PARD3B: variants seen among roughly 807,000 people sequenced by gnomAD.
PARD3B encodes partitioning defective 3 homolog B.
PARD3B carries 103 observed loss-of-function variants against 130.2 expected under a neutral mutation model. The observed-to-expected ratio is 0.79, with a 90% CI of 0.67 to 0.93. The LOEUF (loss-of-function observed/expected upper bound fraction) is 0.93, where lower values mean the gene tolerates loss of function less well. Among genes scored for constraint, PARD3B ranks in the 40% least tolerant of loss-of-function variants. The pLI, the probability that PARD3B is intolerant of heterozygous loss-of-function variation, is 0.00. For synonymous variants in PARD3B, 583 were observed against 553.2 expected, an observed-to-expected ratio of 1.05 and a Z score of -0.76; for missense variants, 1,609 against 1,499.2, an observed-to-expected ratio of 1.07 and a Z score of -1.21.
chr2:205,591,195 C>T lies in PARD3B; in HGVS notation c.3261-24261C>T, dbSNP rs1477972760. 6.6e-6 allele frequency among the ~76,000 whole-genome samples: 1 copy of T among 151,900 alleles called. No homozygotes were observed. Among genetic ancestry groups the T allele is most frequent in the Non-Finnish European group, 1.5e-5 (1 of 67,980 alleles). On this transcript the variant is annotated intron_variant, in intron 22 of 22. Coordinates refer to ENST00000406610, the MANE Select transcript of PARD3B (RefSeq NM_001302769.2). This position sits in a 1 kb window ranked among gnomAD's most constrained non-coding sequence, Gnocchi z 4.2. ...CATCTAGAATATAACTAGGACAAGACAAAAAACTGTTTAGAGAGAGTGTAC... is the reference window on the plus strand; with the variant it reads ...CATCTAGAATATAACTAGGACAAGATAAAAAACTGTTTAGAGAGAGTGTAC...
chr2:205,153,436 G>A lies in PARD3B; in HGVS notation c.1435-5286G>A, dbSNP rs577741559. The stretch of plus-strand genomic sequence containing the variant: ...GAAGAACATTCCATGCTCATGGATA[G>A]GAAGAATCAATATCATGAAAATGGC... On this transcript the variant is annotated intron_variant, in intron 10 of 22. Transcript: ENST00000406610. 7.2e-5 allele frequency among the ~76,000 whole-genome samples: 11 copies of A among 152,244 alleles called. No homozygotes were observed. In the East Asian group the frequency reaches 1.5e-3, roughly 21 times the overall value.
intron 2 of PARD3B, among the ~76,000 whole-genome samples, chr2:204,881,253 G>A (rs73068665): frequency 0.018 from 2,737 of 152,122 alleles, 73 homozygotes; most frequent in African/African-American, 0.06. Flanking sequence ...GTATGTGTGT[G>A]TATCTATGTC....
Position 204,686,205 on chromosome 2 carries a change from C to G in PARD3B, c.145C>G (p.His49Asp). ...EKGPGYWVKI[H>D]HLEYTDGGIL... ...GGGTCCTGGTTACTGGGTGAAGATT[C>G]ATCACTTAGAATATACAGATGGAGG... is the stretch of plus-strand genomic sequence containing the variant. Residue 49 changes from histidine to aspartate, a missense_variant, in exon 2 of 23, where the codon CAT becomes GAT. By Grantham distance (81) the His-to-Asp change is moderately conservative. Transcript: ENST00000406610. 4 of 1,611,790 alleles carry G rather than the reference C, an allele frequency of 2.5e-6. No individual in the cohort carries two copies. Among genetic ancestry groups the G allele is most frequent in the South Asian group, 1.1e-5 (1 of 91,042 alleles).
intron 18 of PARD3B, among the ~76,000 whole-genome samples, chr2:205,365,549 C>T (rs868552453): frequency 8.8e-6 from 1 of 113,758 alleles, no homozygotes; most frequent in East Asian, 2.3e-4. Context: ...CCCAACCTTC[C>T]TTTTTTTTTT....
At chr2:204,734,968 G>T (rs1384799052) in intron 2 of PARD3B, among the ~76,000 whole-genome samples, 1 of 151,880 alleles carries the variant, frequency 6.6e-6, no homozygotes, top group Admixed American at 6.6e-5. Context: ...GGTGATGGGT[G>T]TTAAAATAAT....
intron 1 of PARD3B, among the ~76,000 whole-genome samples, chr2:204,582,848 T>C (rs2032633686): frequency 6.6e-6 from 1 of 152,232 alleles, no homozygotes; most frequent in African/African-American, 2.4e-5. Flanking sequence ...TGGTATCTCA[T>C]AGTGGTTTTG....
At chr2:205,381,041 A>AATATATATTATATATAAAGAATATATATT (rs765051989) in intron 18 of PARD3B, among the ~76,000 whole-genome samples, 7 of 61,840 alleles carry the variant, frequency 1.1e-4, no homozygotes, top group African/African-American at 4.7e-4. Context: ...ATATATAAAG[A>AATATATATTATATATAAAGAATATATATT]ATATATATTA....
chr2:204,916,639 A>T (rs867106211), intron 2 of PARD3B, among the ~76,000 whole-genome samples: 3 of 152,078 alleles, frequency 2.0e-5, no homozygotes, highest in Non-Finnish European at 2.9e-5. Flanking sequence ...TTGTCTAAAG[A>T]TGTAGTTTTT....
intron 11 of PARD3B, among the ~76,000 whole-genome samples, chr2:205,166,489 A>G (rs892379270): frequency 6.6e-6 from 1 of 152,230 alleles, no homozygotes; most frequent in Non-Finnish European, 1.5e-5. Flanking sequence ...ACCTCTTCAC[A>G]TAAGCTGAAA....
At chr2:205,047,454 A>T (rs1698877203) in intron 3 of PARD3B, 127 bp from the exon 4 acceptor site, 1 of 569,384 alleles carries the variant, frequency 1.8e-6, no homozygotes, top group African/African-American at 1.9e-5. Context: ...ATTTACAAGC[A>T]TCCTTAGAAA....
chr2:205,205,431 C>T (rs981983379), intron 15 of PARD3B, among the ~76,000 whole-genome samples: 6 of 152,082 alleles, frequency 3.9e-5, no homozygotes, highest in Non-Finnish European at 5.9e-5. Flanking sequence ...GTTCAATACC[C>T]TTTATTTTTT....
At chr2:204,854,022 G>A (rs954051220) in intron 2 of PARD3B, among the ~76,000 whole-genome samples, 3 of 152,128 alleles carry the variant, frequency 2.0e-5, no homozygotes, top group Admixed American at 1.3e-4. Flanking sequence ...GGAAGAGCAA[G>A]GAGTAGGGCA....
intron 2 of PARD3B, among the ~76,000 whole-genome samples, chr2:204,756,766 G>A (rs1250084652): frequency 6.6e-6 from 1 of 152,106 alleles, no homozygotes; most frequent in Admixed American, 6.6e-5. Context: ...TATGGAATCC[G>A]ATTTTTTAAA....
intron 2 of PARD3B, among the ~76,000 whole-genome samples, chr2:204,951,245 G>A (rs1452116877): frequency 2.0e-5 from 3 of 152,006 alleles, no homozygotes; most frequent in Non-Finnish European, 4.4e-5. Context: ...TTATACACTG[G>A]GCCCCAGAAG....
In PARD3B at chr2:204,998,311, AGT is replaced by A. The variant is rs1694422565; in HGVS notation, c.394+32989_394+32990del. The stretch of plus-strand genomic sequence containing the variant: ...TCTGCACATGTATCCCAGAACTTAA[AGT>A]ATATATATATATATATATATATATA... On this transcript the variant is annotated intron_variant, in intron 3 of 22. Transcript: ENST00000406610. 8.2e-5 allele frequency among the ~76,000 whole-genome samples: 6 copies of A among 73,578 alleles called. No homozygotes were observed. In the Admixed American group the frequency reaches 9.4e-4, roughly 11 times the overall value. 48.3% of individuals were successfully genotyped at this position (73,578 alleles called of 152,430 possible). A position where few individuals can be genotyped will look rare whatever the true frequency, so the allele number is the denominator to read the frequency against.
chr2:204,857,802 A>C lies in PARD3B; in HGVS notation c.223-107350A>C, dbSNP rs896255751. On this transcript the variant is annotated intron_variant, in intron 2 of 22. Transcript: ENST00000406610. ...TTTATAGCCTGCTTCAGGGGACAAG[A>C]GCCAAGGGAAGGTGAGAATGGCCTT... Among the ~76,000 whole-genome samples, 10 of 152,174 alleles carry C rather than the reference A, an allele frequency of 6.6e-5. No individual in the cohort carries two copies. The South Asian group carries it at 1.2e-3, about 19-fold the overall frequency.
chr2:205,161,496 C>CA (rs2034501714), intron 11 of PARD3B, among the ~76,000 whole-genome samples: 1 of 151,986 alleles, frequency 6.6e-6, no homozygotes, highest in Non-Finnish European at 1.5e-5. Context: ...GATTTGTTCA[C>CA]AAAAAATCTG....
intron 6 of PARD3B, among the ~76,000 whole-genome samples, chr2:205,117,483 G>A (rs1215642265): frequency 6.6e-6 from 1 of 152,136 alleles, no homozygotes; most frequent in Non-Finnish European, 1.5e-5. Context: ...CTCATTAAGG[G>A]GACAGAGGTT....
In PARD3B at chr2:205,146,406, T is replaced by G. The variant is rs1055537133; in HGVS notation, c.1435-12316T>G. Among the ~76,000 whole-genome samples, 1 of 152,062 alleles carries G rather than the reference T, an allele frequency of 6.6e-6. No individual in the cohort carries two copies. The highest frequency in any genetic ancestry group is 1.5e-5 in the Non-Finnish European group (1 of 68,008). The stretch of plus-strand genomic sequence containing the variant: ...GGCTCACCCCTGTAATCCCAGCATT[T>G]TGGGAGGCCGAGGTGGGCGGATCAT... On this transcript the variant is annotated intron_variant, in intron 10 of 22. Transcript: ENST00000406610. The surrounding 1 kb of genome is among the most constrained non-coding windows in gnomAD (Gnocchi z 4.3).
Sources: allele counts gnomAD v4.1 joint callset (sites outside exome capture counted in the v4.1 genomes callset), GRCh38; gene constraint gnomAD v4.1.1; non-coding constraint Gnocchi (gnomAD v3.1); transcripts MANE v1.5; gene names NCBI Gene and HGNC (gene_info 2026-07-23, HGNC 2026-07-21).